Variants in CRTAC1 observed in about 807,000 individuals in gnomAD.
The protein encoded by CRTAC1 is acidic secreted protein in cartilage.
A neutral mutation model predicts 67.8 loss-of-function variants in CRTAC1; 37 were observed. The observed-to-expected ratio is 0.55, with a 90% CI of 0.42 to 0.72. The LOEUF (loss-of-function observed/expected upper bound fraction) is 0.72, where lower values mean the gene tolerates loss of function less well. Ranked by LOEUF, CRTAC1 falls within the 30% of genes least tolerant of loss-of-function variation. CRTAC1 has a pLI of 0.00. For missense variants in CRTAC1, 780 were observed against 931.6 expected (o/e 0.84, Z 2.12); for synonymous variants, 348 against 371.0 (o/e 0.94, Z 0.71).
At chr10:97,946,831 G>T (rs558000642) in intron 2 of CRTAC1, among the ~76,000 whole-genome samples, 2 of 152,252 alleles carry the variant, frequency 1.3e-5, no homozygotes, top group Non-Finnish European at 2.9e-5. Context: ...AGTAAACACA[G>T]AAATTGGAAC....
At chr10:98,014,460 A>C (rs1363355381) in intron 1 of CRTAC1, among the ~76,000 whole-genome samples, 2 of 152,194 alleles carry the variant, frequency 1.3e-5, no homozygotes, top group African/African-American at 4.8e-5. Flanking sequence ...AAATAGCTAA[A>C]ACAGACTGCA....
intron 2 of CRTAC1, among the ~76,000 whole-genome samples, chr10:98,007,645 T>A (rs1030608049): frequency 4.6e-5 from 7 of 152,162 alleles, no homozygotes; most frequent in African/African-American, 1.7e-4. Flanking sequence ...GCTGCTTTGC[T>A]CAACCCTGCC....
intron 2 of CRTAC1, among the ~76,000 whole-genome samples, chr10:97,964,637 T>G (rs1416157231): frequency 1.3e-5 from 2 of 152,204 alleles, no homozygotes; most frequent in African/African-American, 4.8e-5. Context: ...TGGGAAGGCT[T>G]GCCGACCACA....
At chr10:97,882,707 C>A in intron 13 of CRTAC1, 79 bp downstream of exon 13, 1 of 1,511,370 alleles carries the variant, frequency 6.6e-7, no homozygotes, top group Non-Finnish European at 9.2e-7. Context: ...GCACCCTGGA[C>A]CTTGGCATGA....
chr10:97,990,482 C>CT (rs1470713789), intron 2 of CRTAC1, among the ~76,000 whole-genome samples: 3 of 152,166 alleles, frequency 2.0e-5, no homozygotes, highest in Admixed American at 6.5e-5. Flanking sequence ...AAGTCGAGTC[C>CT]TTCTCCTTTC....
Position 97,865,756 on chromosome 10 carries a change from T to C in CRTAC1, c.1820-42A>G, listed in dbSNP as rs372046105. 4.3e-4 allele frequency: 584 copies of C among 1,372,904 alleles called. 1 individual carries two copies. The Middle Eastern group carries it at 5.8e-3, about 14-fold the overall frequency. 85.0% of individuals were successfully genotyped at this position (1,372,904 alleles called of 1,614,324 possible). ...GGCCGGAGTGAGGGCCTTGCAGACC[T>C]GCGGCGGCTGCGCTACCAGAGCACC... On this transcript the variant is annotated intron_variant, in intron 14 of 14. Coordinates refer to ENST00000370597, the MANE Select transcript of CRTAC1 (RefSeq NM_018058.7).
chr10:97,945,385 C>T (rs916399169), intron 2 of CRTAC1, among the ~76,000 whole-genome samples: 5 of 152,202 alleles, frequency 3.3e-5, no homozygotes, highest in Admixed American at 3.3e-4. Context: ...ATTTTGAATG[C>T]ACACTCTTGA....
intron 3 of CRTAC1, among the ~76,000 whole-genome samples, chr10:97,932,791 A>C (rs1017904137): frequency 2.6e-5 from 4 of 152,178 alleles, no homozygotes; most frequent in Non-Finnish European, 5.9e-5. Context: ...TGGCGCCACT[A>C]GTGGGAGTTG....
At chr10:97,977,410 C>A (rs897130824) in intron 2 of CRTAC1, among the ~76,000 whole-genome samples, 4 of 152,184 alleles carry the variant, frequency 2.6e-5, no homozygotes, top group African/African-American at 9.7e-5. Flanking sequence ...TTTTTAGGAC[C>A]AGCTCTGCTC....
chr10:98,024,672 T>A (rs960228170), intron 1 of CRTAC1, among the ~76,000 whole-genome samples: 11 of 151,936 alleles, frequency 7.2e-5, no homozygotes, highest in Admixed American at 5.2e-4. Context: ...AGGAAAATTT[T>A]AATTTTTTTA....
At chr10:97,892,942 T>G (rs535132173) in intron 11 of CRTAC1, among the ~76,000 whole-genome samples, 1 of 152,144 alleles carries the variant, frequency 6.6e-6, no homozygotes, top group Admixed American at 6.5e-5. Flanking sequence ...CCTATAAAAA[T>G]TGGAGCACAC....
intron 2 of CRTAC1, among the ~76,000 whole-genome samples, chr10:97,961,839 A>G (rs1295142652): frequency 6.6e-6 from 1 of 152,184 alleles, no homozygotes; most frequent in Non-Finnish European, 1.5e-5. Flanking sequence ...GTTCAAGACC[A>G]ATGCTCCATG....
At chr10:97,894,745 TATATATATATATATATATATG>T (rs2050429601) in intron 11 of CRTAC1, among the ~76,000 whole-genome samples, 1 of 84,068 alleles carries the variant, frequency 1.2e-5, no homozygotes, top group African/African-American at 4.8e-5. Flanking sequence ...TATATATATA[TATATATATATATATATATATG>T]ATAGGATTTT....
chr10:97,868,405 C>G (rs1005349790), intron 14 of CRTAC1: 1 of 152,258 alleles, frequency 6.6e-6, no homozygotes, highest in African/African-American at 2.4e-5. Flanking sequence ...AGGGATGGCA[C>G]CCAGATGGGA....
At position 97,936,179 on chromosome 10, in the gene CRTAC1, C is replaced by T. The variant is rs762656131; in HGVS notation, c.412G>A (p.Ala138Thr). 2 of 1,608,358 alleles carry T rather than the reference C, an allele frequency of 1.2e-6. No homozygotes were observed. Among genetic ancestry groups the T allele is most frequent in the African/African-American group, 1.3e-5 (1 of 74,776 alleles). ...GAGCCCCAGCCCTTACCCGAGAAGG[C>T]ATTATTGGTGTTGAGGAAGTAGATC... is the stretch of plus-strand genomic sequence containing the variant. ...EEIYFLNTNN[A>T]FSGVATYTDK... The change falls in exon 3 of 15, where the codon GCC becomes ACC. Residue 138 changes from alanine (A) to threonine (T), a missense_variant. Ala to Thr is a moderately conservative substitution (Grantham distance 58). Transcript: ENST00000370597.
At chr10:97,942,735 A>G (rs940514192) in intron 2 of CRTAC1, among the ~76,000 whole-genome samples, 1 of 152,002 alleles carries the variant, frequency 6.6e-6, no homozygotes, top group African/African-American at 2.4e-5. Context: ...AGAACAGAGA[A>G]ATTGTTTTCA....
chr10:97,910,799 G>A (rs977361038), intron 5 of CRTAC1, among the ~76,000 whole-genome samples: 4 of 152,160 alleles, frequency 2.6e-5, no homozygotes, highest in Admixed American at 6.5e-5. Flanking sequence ...GAGGTGGGGC[G>A]ATGGCACTGC....
intron 4 of CRTAC1, among the ~76,000 whole-genome samples, chr10:97,920,321 C>G (rs116195039): frequency 1.3e-5 from 2 of 152,146 alleles, no homozygotes; most frequent in Non-Finnish European, 2.9e-5. Flanking sequence ...AACTGACAAA[C>G]GCAGATGTGT....
At chr10:97,974,539 T>A (rs1046612657) in intron 2 of CRTAC1, among the ~76,000 whole-genome samples, 1 of 152,098 alleles carries the variant, frequency 6.6e-6, no homozygotes, top group African/African-American at 2.4e-5. Flanking sequence ...TCCTCAAAAA[T>A]AAAGAAAAAA....
Sources: gnomAD v4.1 joint callset for allele counts (sites outside exome capture counted in the v4.1 genomes callset) on GRCh38, gnomAD v4.1.1 for gene constraint, MANE v1.5 for transcripts, NCBI Gene and HGNC (gene_info 2026-07-23, HGNC 2026-07-21) for gene names.